Variants in TMEM109 observed in about 807,000 individuals in gnomAD.
TMEM109 encodes the protein voltage-gated monoatomic cation channel TMEM109.
In TMEM109, 19 loss-of-function variants were observed where a neutral mutation model predicts 26.4. That is an observed-to-expected ratio of 0.72 (90% confidence interval 0.50 to 1.06). The LOEUF is 1.06. TMEM109 is among the 50% of genes least tolerant of loss of function. The pLI is 0.00. For synonymous variants in TMEM109, 129 were observed against 142.0 expected (o/e 0.91, Z 0.65); for missense variants, 262 against 303.4 (o/e 0.86, Z 1.01).
chr11:60,922,352 G>C lies in TMEM109; in HGVS notation c.*187G>C. 1 of 1,534,558 alleles carries C rather than the reference G, an allele frequency of 6.5e-7. No homozygotes were observed. The highest frequency in any genetic ancestry group is 8.7e-7 in the Non-Finnish European group (1 of 1,146,030). On this transcript the variant is annotated 3_prime_UTR_variant, in exon 4 of 4. Coordinates refer to ENST00000227525, the MANE Select transcript of TMEM109 (RefSeq NM_024092.3). ...ACCATTCCCCCTGCCTGTCCTTGCG[G>C]CCCTGTCTTCTGAGGTTCTCTGTCT... is the stretch of plus-strand genomic sequence containing the variant.
chr11:60,921,041 C>T, intron 3 of TMEM109, 53 bp downstream of exon 3: 1 of 1,472,964 alleles, frequency 6.8e-7, no homozygotes, highest in Non-Finnish European at 9.5e-7. Context: ...TACTTTCCTA[C>T]TTGTGGGAGT....
intron 1 of TMEM109, among the ~76,000 whole-genome samples, chr11:60,915,227 CA>C (rs1856160735): frequency 6.6e-6 from 1 of 152,200 alleles, no homozygotes. Flanking sequence ...GTTTAGTTTA[CA>C]AAGCGCTTGC....
rs1418102111 is a variant in TMEM109 at position 60,923,282 on chromosome 11, C to T, written c.*1117C>T. 2 of 152,680 alleles carry T rather than the reference C, an allele frequency of 1.3e-5. No homozygotes were observed. Among genetic ancestry groups the T allele is most frequent in the Non-Finnish European group, 2.9e-5 (2 of 68,056 alleles). 9.5% of individuals were successfully genotyped at this position (152,680 alleles called of 1,614,324 possible). ...GAGGTGGATGTCCTTCTCTGCCAGG[C>T]TTGGCACATGATGTGAAGAATAAAT... On this transcript the variant is annotated 3_prime_UTR_variant, in exon 4 of 4. Coordinates refer to ENST00000227525, the MANE Select transcript of TMEM109 (RefSeq NM_024092.3).
At chr11:60,915,943 A>C (rs145161753) in intron 1 of TMEM109, among the ~76,000 whole-genome samples, 1 of 152,172 alleles carries the variant, frequency 6.6e-6, no homozygotes, top group African/African-American at 2.4e-5. Context: ...CTGTCCTCTC[A>C]TACCTCTTGG....
intron 1 of TMEM109, among the ~76,000 whole-genome samples, chr11:60,915,830 A>G (rs918684581): frequency 3.3e-5 from 5 of 152,164 alleles, no homozygotes; most frequent in Non-Finnish European, 7.4e-5. Context: ...TCACTAACAC[A>G]ATAAGTAAAG....
Position 60,921,963 on chromosome 11 carries a change from G to A in TMEM109, c.530G>A (p.Arg177Lys). Residue 177 changes from arginine (R) to lysine (K), a missense_variant, in exon 4 of 4, where the codon AGG becomes AAG. Transcript: ENST00000227525. ...IFLAGFVALM[R>K]SVPDPSTRAL... ...CTGGCCGGCTTCGTGGCCCTGATGA[G>A]GTCGGTGCCTGACCCTTCCACCCGG... 1.2e-6 allele frequency: 2 copies of A among 1,613,912 alleles called. No homozygotes were observed. The highest frequency in any genetic ancestry group is 1.7e-6 in the Non-Finnish European group (2 of 1,179,988).
chr11:60,921,655 G>A (rs1421701119), intron 3 of TMEM109, 119 bp from the exon 4 acceptor site: 2 of 757,850 alleles, frequency 2.6e-6, no homozygotes, highest in Non-Finnish European at 4.4e-6. Context: ...CTCTGAGTCT[G>A]CGAGAACGGC....
intron 3 of TMEM109, among the ~76,000 whole-genome samples, chr11:60,921,240 G>A (rs10897126): frequency 0.3 from 45,403 of 151,922 alleles, 7,807 homozygotes; most frequent in Non-Finnish European, 0.38. Context: ...ACCAGCCTGG[G>A]CAATATAATG....
chr11:60,920,180 C>T (rs552150667), intron 2 of TMEM109, among the ~76,000 whole-genome samples: 21 of 152,306 alleles, frequency 1.4e-4, no homozygotes, highest in African/African-American at 3.8e-4. Context: ...GGGAAATGAG[C>T]CATCTTTATA....
rs894455273 is a variant in TMEM109, at chr11:60,917,766, C to T, written c.-8-1920C>T. Among the ~76,000 whole-genome samples the T allele has an allele frequency of 2.6e-5, 4 of 152,146 alleles. No homozygotes were observed. The South Asian group carries it at 8.3e-4, about 32-fold the overall frequency. On this transcript the variant is annotated intron_variant, in intron 1 of 3. Transcript: ENST00000227525. ...GACCTCCTGGGCTCAAGTGATCCTCCCCCCTCAGCCTCCCAAATAGCTGGG... is the reference window on the plus strand; with the variant it reads ...GACCTCCTGGGCTCAAGTGATCCTCTCCCCTCAGCCTCCCAAATAGCTGGG...
At chr11:60,915,045 T>C (rs916307443) in intron 1 of TMEM109, among the ~76,000 whole-genome samples, 1 of 152,248 alleles carries the variant, frequency 6.6e-6, no homozygotes. Flanking sequence ...TTGCTAATAT[T>C]CATTTAATAA....
At chr11:60,921,701 T>G in intron 3 of TMEM109, 73 bp from the exon 4 acceptor site, 1 of 1,214,362 alleles carries the variant, frequency 8.2e-7, no homozygotes, top group African/African-American at 1.5e-5. Context: ...CCTCCCACCC[T>G]TTTAGCTCTT....
Position 60,921,984 on chromosome 11 carries a change from C to T in TMEM109, c.551C>T (p.Thr184Ile). 3 of 1,613,564 alleles carry T rather than the reference C, an allele frequency of 1.9e-6. No individual in the cohort carries two copies. The highest frequency in any genetic ancestry group is 1.7e-6 in the Non-Finnish European group (2 of 1,179,974). ...ALMRSVPDPS[T>I]RALLLLALLI... Reference sequence around the variant, plus strand: ...ATGAGGTCGGTGCCTGACCCTTCCACCCGGGCCCTGCTACTCCTGGCCTTG... The same window carrying T: ...ATGAGGTCGGTGCCTGACCCTTCCATCCGGGCCCTGCTACTCCTGGCCTTG... The change falls in exon 4 of 4, where the codon ACC becomes ATC. Residue 184 changes from threonine (T) to isoleucine (I), a missense_variant. Transcript: ENST00000227525.
intron 3 of TMEM109, 61 bp downstream of exon 3, chr11:60,921,049 A>G: frequency 7.0e-7 from 1 of 1,433,982 alleles, no homozygotes; most frequent in Non-Finnish European, 9.8e-7. Context: ...TACTTGTGGG[A>G]GTTCATCTTT....
chr11:60,920,836 G>A (rs754932089), intron 2 of TMEM109, 50 bp from the exon 3 acceptor site: 9 of 1,490,664 alleles, frequency 6.0e-6, no homozygotes, highest in East Asian at 2.3e-5. Context: ...GCGTGAAGGC[G>A]AGGACCGTTG....
chr11:60,917,504 G>A (rs1432084806), intron 1 of TMEM109, among the ~76,000 whole-genome samples: 1 of 152,206 alleles, frequency 6.6e-6, no homozygotes, highest in Non-Finnish European at 1.5e-5. Context: ...ATCCTTACCT[G>A]CTTCAATGAG....
At chr11:60,917,180 C>T (rs1255881829) in intron 1 of TMEM109, among the ~76,000 whole-genome samples, 2 of 152,192 alleles carry the variant, frequency 1.3e-5, no homozygotes, top group Non-Finnish European at 2.9e-5. Flanking sequence ...ATTTTTAGAA[C>T]CCTTTCCTAG....
chr11:60,916,485 A>G (rs1399667960), intron 1 of TMEM109, among the ~76,000 whole-genome samples: 1 of 152,186 alleles, frequency 6.6e-6, no homozygotes, highest in Non-Finnish European at 1.5e-5. Flanking sequence ...TGCCTTTAGT[A>G]AAACTATTTG....
rs1194420676 is a variant in TMEM109, at chr11:60,922,047, C to T, written c.614C>T (p.Ser205Phe). Reference protein sequence around the residue: ...LYALLSRLTGSRASGAQLEAK... With the variant: ...LYALLSRLTGFRASGAQLEAK... ...GCCCTGCTGAGCCGGCTCACTGGCT[C>T]CCGAGCCTCTGGGGCCCAACTCGAG... Residue 205 changes from serine to phenylalanine, a missense_variant, in exon 4 of 4, where the codon TCC (serine) becomes TTC (phenylalanine). Ser to Phe is a radical substitution (Grantham distance 155). Coordinates refer to ENST00000227525, the MANE Select transcript of TMEM109 (RefSeq NM_024092.3). The T allele has an allele frequency of 7.4e-6, 12 of 1,612,670 alleles. No homozygotes were observed. The highest frequency in any genetic ancestry group is 2.2e-5 in the South Asian group (2 of 91,078).
Sources: gnomAD v4.1 joint callset for allele counts (sites outside exome capture counted in the v4.1 genomes callset) on GRCh38, gnomAD v4.1.1 for gene constraint, MANE v1.5 for transcripts, NCBI Gene and HGNC (gene_info 2026-07-23, HGNC 2026-07-21) for gene names.